The following GRIA4 variants were observed in gnomAD, a reference collection of about 807,000 sequenced individuals.
GRIA4 encodes the protein glutamate ionotropic receptor AMPA type subunit 4.
GRIA4 carries 34 observed loss-of-function variants against 104.0 expected under a neutral mutation model. That is an observed-to-expected ratio of 0.33 (90% CI 0.25 to 0.44). The LOEUF (loss-of-function observed/expected upper bound fraction) is 0.44, where lower values mean the gene tolerates loss of function less well. Ranked by LOEUF, GRIA4 falls within the 20% of genes least tolerant of loss-of-function variation. GRIA4 has a pLI of 1.00. For synonymous variants in GRIA4, 386 were observed against 381.9 expected (o/e 1.01, Z -0.13); for missense variants, 750 against 1,096.5 (o/e 0.68, Z 4.46).
rs561397035 is a variant in GRIA4, at chr11:105,824,147, T to C, written c.488-37877T>C. ...TCTGCTGTTTAAGTCATCCAGGCTG[T>C]GGTGTTTTGTTATGGCAGCCTTAGC... On this transcript the variant is annotated intron_variant, in intron 4 of 16. Coordinates refer to ENST00000282499, the MANE Select transcript of GRIA4 (RefSeq NM_000829.4). Among the ~76,000 whole-genome samples the C allele has an allele frequency of 5.9e-5, 9 of 152,164 alleles. No homozygotes were observed. In the South Asian group the frequency reaches 1.9e-3, roughly 32 times the overall value.
chr11:105,910,334 T>G, intron 9 of GRIA4, 101 bp from the exon 10 acceptor site: 1 of 644,698 alleles, frequency 1.6e-6, no homozygotes, highest in East Asian at 2.8e-5. Flanking sequence ...TTTGCTTACA[T>G]TTGTTTTGTT....
chr11:105,967,182 T>G (rs1366304777), intron 14 of GRIA4, among the ~76,000 whole-genome samples: 1 of 708 alleles, frequency 1.4e-3, no homozygotes, highest in Non-Finnish European at 6.4e-3. Flanking sequence ...TTTTCAAATT[T>G]TTATTATCAC....
At chr11:105,696,113 C>A (rs545359614) in intron 3 of GRIA4, among the ~76,000 whole-genome samples, 1 of 152,306 alleles carries the variant, frequency 6.6e-6, no homozygotes, top group Admixed American at 6.5e-5. Flanking sequence ...CTACCTGGTT[C>A]ATTGATCACC....
At chr11:105,926,512 T>C (rs1947709993) in intron 12 of GRIA4, among the ~76,000 whole-genome samples, 1 of 152,038 alleles carries the variant, frequency 6.6e-6, no homozygotes, top group Admixed American at 6.6e-5. Context: ...CTTTAAACAA[T>C]AAAAAGGAAA....
At chr11:105,821,979 C>T (rs1943590313) in intron 4 of GRIA4, among the ~76,000 whole-genome samples, 2 of 152,088 alleles carry the variant, frequency 1.3e-5, no homozygotes, top group Non-Finnish European at 2.9e-5. Context: ...GCGCTCGCCA[C>T]GCAGGTTCCC....
intron 3 of GRIA4, among the ~76,000 whole-genome samples, chr11:105,678,350 T>C (rs1952606534): frequency 6.6e-6 from 1 of 151,988 alleles, no homozygotes; most frequent in African/African-American, 2.4e-5. Flanking sequence ...TTACCCATTA[T>C]CTTCACTGTT....
chr11:105,688,651 T>C (rs1952979571), intron 3 of GRIA4, among the ~76,000 whole-genome samples: 2 of 152,216 alleles, frequency 1.3e-5, no homozygotes, highest in African/African-American at 4.8e-5. Flanking sequence ...GCTACTAATA[T>C]GCAACAGAAT....
intron 4 of GRIA4, among the ~76,000 whole-genome samples, chr11:105,808,306 A>G (rs1366785323): frequency 6.6e-6 from 1 of 152,014 alleles, no homozygotes; most frequent in Non-Finnish European, 1.5e-5. Context: ...GAAAAGAAAG[A>G]TAAACAATAA....
intron 5 of GRIA4, among the ~76,000 whole-genome samples, chr11:105,865,552 A>G (rs982172319): frequency 1.3e-5 from 2 of 152,200 alleles, no homozygotes; most frequent in Admixed American, 1.3e-4. Flanking sequence ...TAACAAAAAT[A>G]TCAATTATTT....
At chr11:105,831,075 C>T (rs1341554610) in intron 4 of GRIA4, among the ~76,000 whole-genome samples, 2 of 152,036 alleles carry the variant, frequency 1.3e-5, no homozygotes, top group Middle Eastern at 3.4e-3. Context: ...GATGACTTGA[C>T]TCAGCTGAGT....
At chr11:105,885,972 TAGTC>T (rs2136094761) in intron 5 of GRIA4, among the ~76,000 whole-genome samples, 1 of 152,330 alleles carries the variant, frequency 6.6e-6, no homozygotes, top group South Asian at 2.1e-4. Context: ...TCAGCCCTCA[TAGTC>T]AGGAAGTACA....
chr11:105,834,981 ATAAG>A (rs1467512865), intron 4 of GRIA4, among the ~76,000 whole-genome samples: 1 of 152,060 alleles, frequency 6.6e-6, no homozygotes, highest in African/African-American at 2.4e-5. Context: ...AGATCAGGGA[ATAAG>A]TAAGATTTTT....
intron 3 of GRIA4, among the ~76,000 whole-genome samples, chr11:105,615,625 AT>A (rs933304124): frequency 1.9e-4 from 29 of 152,024 alleles, no homozygotes; most frequent in African/African-American, 6.7e-4. Context: ...CATTTAAAAA[AT>A]AAATTTAATA....
At chr11:105,895,313 T>C (rs1016143681) in intron 6 of GRIA4, among the ~76,000 whole-genome samples, 2 of 151,690 alleles carry the variant, frequency 1.3e-5, no homozygotes, top group East Asian at 1.9e-4. Flanking sequence ...CTAATACCTA[T>C]GGCTTTATTA....
chr11:105,709,565 A>G (rs539745657), intron 3 of GRIA4, among the ~76,000 whole-genome samples: 1 of 152,270 alleles, frequency 6.6e-6, no homozygotes, highest in East Asian at 1.9e-4. Flanking sequence ...CACCATCTTA[A>G]CCACGTAATT....
chr11:105,853,591 T>G (rs1944898243), intron 4 of GRIA4, among the ~76,000 whole-genome samples: 1 of 152,212 alleles, frequency 6.6e-6, no homozygotes, highest in Non-Finnish European at 1.5e-5. Context: ...ATTCAGAAGC[T>G]ATCTCTGGGA....
intron 4 of GRIA4, among the ~76,000 whole-genome samples, chr11:105,817,619 A>G (rs1943428770): frequency 6.6e-6 from 1 of 152,078 alleles, no homozygotes; most frequent in Non-Finnish European, 1.5e-5. Context: ...GTTATAAATG[A>G]TAGGATAAAT....
chr11:105,928,862 G>T (rs1947793411), intron 13 of GRIA4, among the ~76,000 whole-genome samples: 1 of 151,994 alleles, frequency 6.6e-6, no homozygotes, highest in Non-Finnish European at 1.5e-5. Flanking sequence ...AACTGGTGAG[G>T]TAGATAAGAG....
At chr11:105,813,187 C>T (rs1943248129) in intron 4 of GRIA4, among the ~76,000 whole-genome samples, 1 of 151,154 alleles carries the variant, frequency 6.6e-6, no homozygotes, top group Non-Finnish European at 1.5e-5. Flanking sequence ...CCACAGTTAT[C>T]CTGAGGAGTG....
Sources: gnomAD v4.1 joint callset for allele counts (sites outside exome capture counted in the v4.1 genomes callset) on GRCh38, gnomAD v4.1.1 for gene constraint, MANE v1.5 for transcripts, NCBI Gene and HGNC (gene_info 2026-07-23, HGNC 2026-07-21) for gene names.